LMF1: variants seen among roughly 807,000 people sequenced by gnomAD.
LMF1 encodes the protein lipase maturation factor 1.
Under a neutral mutation model 60.6 loss-of-function variants are expected in LMF1, and 68 were observed. The ratio of observed to expected loss-of-function variants is 1.12; its 90% CI spans 0.92 to 1.37. LMF1 has a LOEUF of 1.37. Among genes scored for constraint, LMF1 ranks in the 40% most tolerant of loss-of-function variants. LMF1 has a pLI of 0.00. For missense variants in LMF1, 948 were observed against 767.2 expected, an observed-to-expected ratio of 1.24 and a Z score of -2.78; for synonymous variants, 418 against 324.7, an observed-to-expected ratio of 1.29 and a Z score of -3.09.
intron 5 of LMF1, among the ~76,000 whole-genome samples, chr16:890,973 A>C (rs1227292505): frequency 2.0e-5 from 3 of 152,150 alleles, no homozygotes; most frequent in Non-Finnish European, 4.4e-5. Flanking sequence ...GTCTCGGGCC[A>C]TGTCTGAACT....
rs371936951 is a variant in LMF1, at chr16:948,233, C to T, written c.503+6124G>A. Among the ~76,000 whole-genome samples the T allele has an allele frequency of 1.1e-4, 17 of 148,454 alleles. 2 individuals are homozygous for T. The South Asian group carries it at 3.4e-3, about 30-fold the overall frequency. On this transcript the variant is annotated intron_variant, in intron 2 of 10. Transcript: ENST00000262301. The stretch of plus-strand genomic sequence containing the variant: ...CCAATGACAGAGTCAGAGACAATGA[C>T]AGAGTTACAGAAAATGACAGAGTCA...
At chr16:911,564 GGGGAGGCAGCAC>G (rs1567225581) in intron 3 of LMF1, among the ~76,000 whole-genome samples, 1 of 46,660 alleles carries the variant, frequency 2.1e-5, no homozygotes, top group Non-Finnish European at 4.0e-5. Flanking sequence ...GCAGCACTTG[GGGGAGGCAGCAC>G]TGGGGGGGCA....
rs534243321 is a variant in LMF1, at chr16:914,244, C to T, written c.515-3165G>A. 1.6e-4 allele frequency among the ~76,000 whole-genome samples: 24 copies of T among 152,168 alleles called. No individual in the cohort carries two copies. In the East Asian group the frequency reaches 4.6e-3, roughly 29 times the overall value. On this transcript the variant is annotated intron_variant, in intron 3 of 10. Coordinates refer to ENST00000262301, the MANE Select transcript of LMF1 (RefSeq NM_022773.4). The stretch of plus-strand genomic sequence containing the variant: ...TGACCCCTCCTGGGAGGGGAGCAAA[C>T]GTCTCCACGTTGAAGGGGGACTGCA...
At chr16:937,359 G>C (rs5015438) in intron 2 of LMF1, among the ~76,000 whole-genome samples, 4,545 of 152,266 alleles carry the variant, frequency 0.03, 114 homozygotes, top group Admixed American at 0.046. Context: ...GTCCTTTCCT[G>C]GACAGTGGGA....
intron 1 of LMF1, among the ~76,000 whole-genome samples, chr16:970,442 C>G (rs1164244895): frequency 6.6e-6 from 1 of 152,084 alleles, no homozygotes; most frequent in Non-Finnish European, 1.5e-5. Context: ...ACCTGCCCAG[C>G]TCTCCTGGGA....
chr16:965,829 T>C (rs2072912373), intron 1 of LMF1, among the ~76,000 whole-genome samples: 2 of 152,122 alleles, frequency 1.3e-5, no homozygotes, highest in Admixed American at 6.5e-5. Context: ...TGTCCCATGC[T>C]GACACTAAGC....
chr16:945,259 T>C (rs1356183082), intron 2 of LMF1, among the ~76,000 whole-genome samples: 1 of 148,628 alleles, frequency 6.7e-6, no homozygotes, highest in African/African-American at 2.5e-5. Context: ...CGGTGGCTCA[T>C]GCCTGTAATC....
At chr16:929,740 AAC>A in intron 3 of LMF1, among the ~76,000 whole-genome samples, 1 of 152,380 alleles carries the variant, frequency 6.6e-6, no homozygotes, top group South Asian at 2.1e-4. Context: ...CTCCAGCAGA[AAC>A]ACAGACGGCA....
At chr16:966,475 C>G (rs72769435) in intron 1 of LMF1, among the ~76,000 whole-genome samples, 13,923 of 152,306 alleles carry the variant, frequency 0.091, 662 homozygotes, top group South Asian at 0.15. Flanking sequence ...AAAAGTGCCA[C>G]ACATAAAGTC....
chr16:876,039 C>T (rs751617447), intron 6 of LMF1, among the ~76,000 whole-genome samples: 6 of 152,238 alleles, frequency 3.9e-5, no homozygotes, highest in Non-Finnish European at 5.9e-5. Flanking sequence ...CTGGCACAGC[C>T]GGCCCTGGCC....
At chr16:892,313 G>A (rs756316015) in intron 5 of LMF1, among the ~76,000 whole-genome samples, 39 of 152,230 alleles carry the variant, frequency 2.6e-4, no homozygotes, top group Admixed American at 1.1e-3. Flanking sequence ...TAGGTGCACC[G>A]TGGCCATGAC....
At chr16:876,745 G>A (rs2069995556) in intron 6 of LMF1, among the ~76,000 whole-genome samples, 1 of 152,116 alleles carries the variant, frequency 6.6e-6, no homozygotes, top group Admixed American at 6.5e-5. Context: ...GAGGACCTCG[G>A]GGGGTCATGG....
At position 962,549 on chromosome 16, in the gene LMF1, G is replaced by A. The variant is rs1391304026; in HGVS notation, c.194-7883C>T. Among the ~76,000 whole-genome samples, 1 of 152,196 alleles carries A rather than the reference G, an allele frequency of 6.6e-6. No homozygotes were observed. Among genetic ancestry groups the A allele is most frequent in the African/African-American group, 2.4e-5 (1 of 41,460 alleles). On this transcript the variant is annotated intron_variant, in intron 1 of 10. Coordinates refer to ENST00000262301, the MANE Select transcript of LMF1 (RefSeq NM_022773.4). This position sits in a 1 kb window ranked among gnomAD's most constrained non-coding sequence, Gnocchi z 4.5. ...GACCCTGATACGGTGTGACGGGAAG[G>A]GCCCCGCACCTCTGTGGGCGTCTTC...
chr16:917,938 T>C (rs943351982), intron 3 of LMF1, among the ~76,000 whole-genome samples: 1 of 152,346 alleles, frequency 6.6e-6, no homozygotes, highest in South Asian at 2.1e-4. Context: ...CCGCTGGCCA[T>C]GTCTCACGTC....
At chr16:864,742 A>G (rs2151692568) in intron 10 of LMF1, among the ~76,000 whole-genome samples, 2 of 149,418 alleles carry the variant, frequency 1.3e-5, no homozygotes, top group South Asian at 4.2e-4. Context: ...CTGTAGCCTC[A>G]GCTTCCCGAG....
At chr16:979,377 C>A (rs1005017311) in intron 1 of LMF1, 7 of 353,198 alleles carry the variant, frequency 2.0e-5, no homozygotes, top group Non-Finnish European at 3.9e-5. Context: ...GCCTAGGCCC[C>A]CACCACCCCG....
At chr16:913,846 G>A (rs1334557172) in intron 3 of LMF1, among the ~76,000 whole-genome samples, 3 of 152,216 alleles carry the variant, frequency 2.0e-5, no homozygotes, top group Non-Finnish European at 4.4e-5. Context: ...CTTCGCCATG[G>A]GGCAGCCCGA....
chr16:935,571 T>TAAA (rs10674839), intron 2 of LMF1, among the ~76,000 whole-genome samples: 8,451 of 142,368 alleles, frequency 0.059, 880 homozygotes, highest in African/African-American at 0.21. Flanking sequence ...GCTGATGAGC[T>TAAA]AAAAAAAAAA....
intron 1 of LMF1, among the ~76,000 whole-genome samples, chr16:977,675 G>C (rs908176134): frequency 1.3e-5 from 2 of 148,812 alleles, no homozygotes; most frequent in African/African-American, 5.1e-5. Flanking sequence ...GGCCGGGTTG[G>C]GGGTGGATGG....
Sources: gnomAD v4.1 joint callset for allele counts (sites outside exome capture counted in the v4.1 genomes callset) on GRCh38, gnomAD v4.1.1 for gene constraint, Gnocchi (gnomAD v3.1) non-coding constraint, MANE v1.5 for transcripts, NCBI Gene and HGNC (gene_info 2026-07-23, HGNC 2026-07-21) for gene names.